Variants in KITLG observed in about 807,000 individuals in gnomAD.
KITLG encodes the protein KIT ligand, also known as c-Kit ligand.
KITLG carries 13 observed loss-of-function variants against 34.1 expected under a neutral mutation model. That is an observed-to-expected ratio of 0.38 (90% confidence interval 0.25 to 0.61). The LOEUF is 0.61. Ranked by LOEUF, KITLG falls within the 20% of genes least tolerant of loss-of-function variation. The pLI, the probability that KITLG is intolerant of heterozygous loss-of-function variation, is 0.60. For synonymous variants in KITLG, 110 were observed against 104.0 expected (o/e 1.06, Z -0.35); for missense variants, 292 against 318.9 (o/e 0.92, Z 0.64).
At chr12:88,530,735 A>AG (rs1870053619) in intron 3 of KITLG, among the ~76,000 whole-genome samples, 1 of 152,188 alleles carries the variant, frequency 6.6e-6, no homozygotes, top group African/African-American at 2.4e-5. Context: ...CATAGGCTTG[A>AG]GGATAAATGG....
chr12:88,510,477 A>G (rs1869235871), intron 6 of KITLG, among the ~76,000 whole-genome samples: 1 of 152,242 alleles, frequency 6.6e-6, no homozygotes. Context: ...CCGAAGAGTC[A>G]AAAGAGTTTA....
At chr12:88,501,046 C>G (rs1239201247) in intron 9 of KITLG, among the ~76,000 whole-genome samples, 1 of 152,146 alleles carries the variant, frequency 6.6e-6, no homozygotes, top group Admixed American at 6.6e-5. Flanking sequence ...CCCCAAGGTA[C>G]TGGGATTACA....
At position 88,560,151 on chromosome 12, in the gene KITLG, G is replaced by C. The variant is rs866219012; in HGVS notation, c.16-14286C>G. On this transcript the variant is annotated intron_variant, in intron 1 of 9. Transcript: ENST00000644744. ...TTTTGAAAAGATTACATAAGACAAT[G>C]TTATGTAAAGCACTCACAAGCCAAT... Among the ~76,000 whole-genome samples, 3 of 152,274 alleles carry C rather than the reference G, an allele frequency of 2.0e-5. No individual in the cohort carries two copies. The Middle Eastern group carries it at 0.01, about 518-fold the overall frequency.
At chr12:88,505,067 T>C (rs1869004905) in intron 9 of KITLG, 92 bp downstream of exon 9, 3 of 659,960 alleles carry the variant, frequency 4.5e-6, no homozygotes, top group Admixed American at 5.1e-5. Context: ...CATGTAAACA[T>C]ACGTAACAAA....
At chr12:88,520,225 T>C (rs981521792) in intron 3 of KITLG, among the ~76,000 whole-genome samples, 1 of 152,218 alleles carries the variant, frequency 6.6e-6, no homozygotes, top group Non-Finnish European at 1.5e-5. Context: ...GTCTTTGTTT[T>C]GTTAAATCAG....
chr12:88,551,442 TA>T (rs1218828867), intron 1 of KITLG, among the ~76,000 whole-genome samples: 1 of 152,240 alleles, frequency 6.6e-6, no homozygotes, highest in African/African-American at 2.4e-5. Flanking sequence ...ATTGAAATAT[TA>T]AACTTTGCTT....
chr12:88,558,050 C>T (rs1871158190), intron 1 of KITLG, among the ~76,000 whole-genome samples: 1 of 152,260 alleles, frequency 6.6e-6, no homozygotes, highest in Non-Finnish European at 1.5e-5. Context: ...ATTTTGAACT[C>T]CAAACCATTT....
chr12:88,505,021 A>T, intron 9 of KITLG, 138 bp downstream of exon 9: 1 of 512,768 alleles, frequency 2.0e-6, no homozygotes, highest in East Asian at 3.9e-5. Context: ...CCTAATGTAA[A>T]TGACGAGTTA....
At chr12:88,557,327 T>G (rs1200966729) in intron 1 of KITLG, among the ~76,000 whole-genome samples, 1 of 152,158 alleles carries the variant, frequency 6.6e-6, no homozygotes, top group African/African-American at 2.4e-5. Context: ...CTAATTTTAA[T>G]AAAGATGTAC....
At chr12:88,574,231 G>A (rs1375161375) in intron 1 of KITLG, among the ~76,000 whole-genome samples, 1 of 150,614 alleles carries the variant, frequency 6.6e-6, no homozygotes, top group Non-Finnish European at 1.5e-5. Context: ...GGGTCCAGCT[G>A]ATCTTGGAAT....
intron 2 of KITLG, among the ~76,000 whole-genome samples, chr12:88,537,324 C>G (rs1471775019): frequency 6.6e-6 from 1 of 151,914 alleles, no homozygotes; most frequent in African/African-American, 2.4e-5. Context: ...ATGTCTTTCG[C>G]AGGAATATGG....
chr12:88,516,544 G>A, intron 4 of KITLG, 54 bp from the exon 5 acceptor site: 5 of 1,204,902 alleles, frequency 4.1e-6, no homozygotes, highest in Non-Finnish European at 6.0e-6. Flanking sequence ...CTTAACTGAG[G>A]TGAAGATAAT....
At position 88,492,949 on chromosome 12, in the gene KITLG, T is replaced by C. The variant is rs1029128629; in HGVS notation, c.*4270A>G. 3.9e-5 allele frequency: 6 copies of C among 152,354 alleles called. No individual in the cohort carries two copies. Among genetic ancestry groups the C allele is most frequent in the African/African-American group, 9.7e-5 (4 of 41,432 alleles). 9.4% of individuals were successfully genotyped at this position (152,354 alleles called of 1,614,324 possible). A position where few individuals can be genotyped will look rare whatever the true frequency, so the allele number is the denominator to read the frequency against. ...CATACACATCACATTTTACAACCTTTTTTATTTAATTAAATTTCAGTCATA... is the reference window on the plus strand; with the variant it reads ...CATACACATCACATTTTACAACCTTCTTTATTTAATTAAATTTCAGTCATA... On this transcript the variant is annotated 3_prime_UTR_variant, in exon 10 of 10. Coordinates refer to ENST00000644744, the MANE Select transcript of KITLG (RefSeq NM_000899.5).
At chr12:88,521,041 A>C (rs1869637249) in intron 3 of KITLG, among the ~76,000 whole-genome samples, 1 of 152,172 alleles carries the variant, frequency 6.6e-6, no homozygotes, top group Non-Finnish European at 1.5e-5. Flanking sequence ...ACAGCTGAAA[A>C]ATCGTGTATT....
At chr12:88,535,413 G>A (rs891277882) in intron 2 of KITLG, among the ~76,000 whole-genome samples, 8 of 152,248 alleles carry the variant, frequency 5.3e-5, no homozygotes, top group African/African-American at 1.9e-4. Context: ...ACAACCCCAT[G>A]AGAGATTATA....
chr12:88,543,622 C>A (rs1870600012), intron 2 of KITLG, among the ~76,000 whole-genome samples: 1 of 152,112 alleles, frequency 6.6e-6, no homozygotes, highest in Admixed American at 6.6e-5. Flanking sequence ...TAAAGCACAT[C>A]ATTTCCTCTT....
chr12:88,566,276 C>CATTCTT (rs1411689229), intron 1 of KITLG, among the ~76,000 whole-genome samples: 1 of 152,192 alleles, frequency 6.6e-6, no homozygotes, highest in African/African-American at 2.4e-5. Flanking sequence ...AGAATGCTGA[C>CATTCTT]AGGTGGATGT....
chr12:88,579,993 C>G (rs1871961986), intron 1 of KITLG: 1 of 583,442 alleles, frequency 1.7e-6, no homozygotes, highest in Admixed American at 3.0e-5. Context: ...ACGGGAATTA[C>G]GGTTTCCGAC....
chr12:88,580,332 A>G lies in KITLG; in HGVS notation c.-54T>C. ...AAACAGTGGTGTGGCGACTCCGTTT[A>G]GCTGTTCTGGAGCTCCAGCATATTG... On this transcript the variant is annotated 5_prime_UTR_variant, in exon 1 of 10. The change abolishes the stop of an existing upstream ORF in the 5' untranslated region. Coordinates refer to ENST00000644744, the MANE Select transcript of KITLG (RefSeq NM_000899.5). 6.2e-7 allele frequency: 1 copy of G among 1,605,950 alleles called. No homozygotes were observed. The highest frequency in any genetic ancestry group is 8.5e-7 in the Non-Finnish European group (1 of 1,175,524).
Sources: allele counts gnomAD v4.1 joint callset (sites outside exome capture counted in the v4.1 genomes callset), GRCh38; gene constraint gnomAD v4.1.1; transcripts MANE v1.5; gene names NCBI Gene and HGNC (gene_info 2026-07-23, HGNC 2026-07-21).